TTC6: variants seen among roughly 807,000 people sequenced by gnomAD.
TTC6 encodes tetratricopeptide repeat protein 6.
In TTC6, 172 loss-of-function variants were observed where a neutral mutation model predicts 210.4. The observed-to-expected ratio is 0.82, with a 90% confidence interval of 0.72 to 0.93. The LOEUF (loss-of-function observed/expected upper bound fraction) is 0.93, where lower values mean the gene tolerates loss of function less well. Ranked by LOEUF, TTC6 falls within the 40% of genes least tolerant of loss-of-function variation. TTC6 has a pLI of 0.00. For missense variants in TTC6, 2,414 were observed against 2,318.1 expected (o/e 1.04, Z -0.85); for synonymous variants, 804 against 819.6 (o/e 0.98, Z 0.32).
intron 1 of TTC6, among the ~76,000 whole-genome samples, chr14:37,676,321 G>A (rs991266999): frequency 6.6e-6 from 1 of 151,994 alleles, no homozygotes; most frequent in African/African-American, 2.4e-5. Context: ...GCTTCTTTCT[G>A]TTGTTTTTTT....
chr14:37,829,496 C>T (rs998833483), intron 29 of TTC6, among the ~76,000 whole-genome samples: 18 of 151,400 alleles, frequency 1.2e-4, no homozygotes, highest in African/African-American at 4.4e-4. Flanking sequence ...ATAAAATTAC[C>T]CTGTAAACTC....
At chr14:37,721,862 A>G (rs1054343744) in intron 6 of TTC6, among the ~76,000 whole-genome samples, 2 of 144,180 alleles carry the variant, frequency 1.4e-5, no homozygotes, top group South Asian at 4.3e-4. Flanking sequence ...ATATATATAT[A>G]TATATATATA....
chr14:37,607,615 G>A (rs2095627446), intron 2 of TTC6, among the ~76,000 whole-genome samples: 1 of 149,702 alleles, frequency 6.7e-6, no homozygotes, highest in African/African-American at 2.5e-5. Context: ...CAAGTATTTA[G>A]TCTTTTTTTT....
intron 15 of TTC6, among the ~76,000 whole-genome samples, chr14:37,789,911 C>A (rs1033843887): frequency 2.0e-5 from 3 of 151,914 alleles, no homozygotes; most frequent in Admixed American, 6.6e-5. Context: ...AAACTTTGCA[C>A]CTTAAGGCAG....
At chr14:37,638,415 C>T (rs1018197496) in intron 1 of TTC6, among the ~76,000 whole-genome samples, 6 of 151,946 alleles carry the variant, frequency 3.9e-5, no homozygotes, top group South Asian at 4.2e-4. Context: ...CCACCATGCC[C>T]GGCTAATTTT....
intron 1 of TTC6, among the ~76,000 whole-genome samples, chr14:37,657,169 G>A (rs970819079): frequency 7.4e-6 from 1 of 134,776 alleles, no homozygotes; most frequent in South Asian, 2.4e-4. Flanking sequence ...TCGCGATTGC[G>A]CAGTTGTACT....
chr14:37,671,584 A>C (rs1470714057), intron 1 of TTC6, among the ~76,000 whole-genome samples: 4 of 152,204 alleles, frequency 2.6e-5, no homozygotes, highest in African/African-American at 9.7e-5. Flanking sequence ...AAAACATGTA[A>C]GAAAATTAAT....
intron 29 of TTC6, among the ~76,000 whole-genome samples, chr14:37,839,854 C>T (rs1230251310): frequency 2.0e-5 from 3 of 152,118 alleles, no homozygotes; most frequent in Admixed American, 2.0e-4. Context: ...CTAGTCTCAG[C>T]TTTCTGCATA....
rs1248503034 is a variant in TTC6 at position 37,817,561 on chromosome 14, T to C, written c.4690-17T>C. 9 of 1,611,284 alleles carry C rather than the reference T, an allele frequency of 5.6e-6. No individual in the cohort carries two copies. The highest frequency in any genetic ancestry group is 1.3e-5 in the African/African-American group (1 of 74,804). ...ATAATGTTGCAAAATTAACAAAAGCTTATAACATTATTTCAGGATTTTAAA... is the reference window on the plus strand; with the variant it reads ...ATAATGTTGCAAAATTAACAAAAGCCTATAACATTATTTCAGGATTTTAAA... On this transcript the variant is annotated splice_polypyrimidine_tract_variant and intron_variant, in intron 25 of 30. Coordinates refer to ENST00000553443, the Ensembl canonical transcript of TTC6.
At chr14:37,820,737 A>G (rs8013296) in intron 26 of TTC6, among the ~76,000 whole-genome samples, 9,279 of 152,268 alleles carry the variant, frequency 0.061, 831 homozygotes, top group African/African-American at 0.2. Context: ...ACCCACAGAT[A>G]GAAATACTAA....
chr14:37,781,735 T>C (rs946433151), intron 14 of TTC6, among the ~76,000 whole-genome samples: 1 of 152,146 alleles, frequency 6.6e-6, no homozygotes, highest in Admixed American at 6.5e-5. Flanking sequence ...GCCTAGGTTT[T>C]CTTCTAGGAT....
chr14:37,711,522 C>T (rs903246897), intron 5 of TTC6, among the ~76,000 whole-genome samples: 4 of 152,052 alleles, frequency 2.6e-5, no homozygotes, highest in African/African-American at 9.7e-5. Flanking sequence ...GTTGATTTTG[C>T]CTGTTTCCCC....
At chr14:37,732,248 T>G (rs1373420158) in intron 7 of TTC6, among the ~76,000 whole-genome samples, 3 of 138,696 alleles carry the variant, frequency 2.2e-5, no homozygotes, top group Non-Finnish European at 4.6e-5. Flanking sequence ...AGTGGCGCGA[T>G]CTAGGCTCAC....
intron 22 of TTC6, 118 bp from the exon 25 acceptor site, chr14:37,807,202 C>G: frequency 1.1e-6 from 1 of 938,680 alleles, no homozygotes; most frequent in Non-Finnish European, 1.4e-6. Context: ...TTTAAAAAGA[C>G]TATATTTTAA....
intron 1 of TTC6, among the ~76,000 whole-genome samples, chr14:37,636,991 C>A (rs2095682072): frequency 6.6e-6 from 1 of 152,040 alleles, no homozygotes; most frequent in African/African-American, 2.4e-5. Flanking sequence ...AGAAGTGGAG[C>A]CACACAGATA....
At chr14:37,717,461 A>G (rs2095854540) in intron 6 of TTC6, among the ~76,000 whole-genome samples, 1 of 152,184 alleles carries the variant, frequency 6.6e-6, no homozygotes, top group South Asian at 2.1e-4. Context: ...TGACGTGAAG[A>G]AATTCTCGAA....
At chr14:37,717,166 C>T (rs1481754671) in intron 6 of TTC6, among the ~76,000 whole-genome samples, 2 of 138,474 alleles carry the variant, frequency 1.4e-5, no homozygotes, top group East Asian at 4.1e-4. Flanking sequence ...CCTAAGAACC[C>T]CCCAAAAAAA....
chr14:37,748,469 AT>A (rs1230865146), intron 10 of TTC6, among the ~76,000 whole-genome samples: 3 of 152,174 alleles, frequency 2.0e-5, no homozygotes, highest in Non-Finnish European at 4.4e-5. Context: ...GTATTATTTA[AT>A]TTGATAGCCT....
intron 14 of TTC6, among the ~76,000 whole-genome samples, chr14:37,763,043 C>A (rs2095989194): frequency 7.1e-6 from 1 of 140,308 alleles, no homozygotes. Flanking sequence ...CACCACCACA[C>A]CCGCCTAATT....
Sources: gnomAD v4.1 joint callset for allele counts (sites outside exome capture counted in the v4.1 genomes callset) on GRCh38, gnomAD v4.1.1 for gene constraint, MANE v1.5 for transcripts, NCBI Gene and HGNC (gene_info 2026-07-23, HGNC 2026-07-21) for gene names.